The following PCDH15 variants were observed in gnomAD, a reference collection of about 807,000 sequenced individuals.
The protein encoded by PCDH15 is protocadherin-15.
Under a neutral mutation model 178.5 loss-of-function variants are expected in PCDH15, and 129 were observed. That is an observed-to-expected ratio of 0.72 (90% CI 0.63 to 0.84). The LOEUF (loss-of-function observed/expected upper bound fraction) is 0.84. Ranked by LOEUF, PCDH15 falls within the 40% of genes least tolerant of loss-of-function variation. The probability of loss-of-function intolerance (pLI) is 0.00; values close to 1 mark genes in which losing one functional copy is unlikely to be tolerated. For synonymous variants in PCDH15, 800 were observed against 732.0 expected (o/e 1.09, Z -1.50); for missense variants, 2,230 against 2,099.9 (o/e 1.06, Z -1.21).
chr10:54,023,281 G>A, intron 18 of PCDH15, 84 bp from the exon 19 acceptor site: 1 of 1,346,582 alleles, frequency 7.4e-7, no homozygotes, highest in Non-Finnish European at 1.0e-6. Context: ...AACAAATTAT[G>A]GTATTTTTCT....
At chr10:53,870,581 G>A (rs2079767593) in intron 26 of PCDH15, among the ~76,000 whole-genome samples, 1 of 152,136 alleles carries the variant, frequency 6.6e-6, no homozygotes, top group Non-Finnish European at 1.5e-5. Flanking sequence ...CCTCAAGTAT[G>A]TTCAGTTGAA....
chr10:55,294,955 G>A (rs1843096455), intron 1 of PCDH15, among the ~76,000 whole-genome samples: 1 of 152,010 alleles, frequency 6.6e-6, no homozygotes, highest in African/African-American at 2.4e-5. Context: ...CTTTTCCTGA[G>A]CTATTTTTAT....
intron 2 of PCDH15, among the ~76,000 whole-genome samples, chr10:55,429,729 ATCTAG>A (rs918725385): frequency 6.6e-6 from 1 of 152,202 alleles, no homozygotes; most frequent in African/African-American, 2.4e-5. Flanking sequence ...ATCAGTAACA[ATCTAG>A]TCTAGCTACA....
At chr10:54,323,051 G>C (rs1331061298) in intron 7 of PCDH15, among the ~76,000 whole-genome samples, 1 of 151,716 alleles carries the variant, frequency 6.6e-6, no homozygotes, top group Non-Finnish European at 1.5e-5. Flanking sequence ...ATAGGGGCAA[G>C]GGACATGAAC....
chr10:54,470,539 C>A (rs2077839469), intron 3 of PCDH15, among the ~76,000 whole-genome samples: 1 of 152,096 alleles, frequency 6.6e-6, no homozygotes, highest in Non-Finnish European at 1.5e-5. Flanking sequence ...GTATGGCACC[C>A]ATTCTTAACT....
In PCDH15 at chr10:54,094,657, T is replaced by G. The variant is rs150189545; in HGVS notation, c.1918-4594A>C. Among the ~76,000 whole-genome samples the G allele has an allele frequency of 4.6e-5, 7 of 152,322 alleles. No individual in the cohort carries two copies. In the East Asian group the frequency reaches 1.2e-3, roughly 25 times the overall value. On this transcript the variant is annotated intron_variant, in intron 15 of 37. Transcript: ENST00000644397. ...ACGAATAAATGATGTGTATTTTGGATAGCTGGCAAGTAATGCACTTTAGCC... is the reference window on the plus strand; with the variant it reads ...ACGAATAAATGATGTGTATTTTGGAGAGCTGGCAAGTAATGCACTTTAGCC...
At chr10:54,124,409 C>T (rs55783400) in intron 15 of PCDH15, among the ~76,000 whole-genome samples, 11,773 of 151,920 alleles carry the variant, frequency 0.077, 527 homozygotes, top group Middle Eastern at 0.099. Context: ...TGGAAACAGA[C>T]GGTGATGATG....
chr10:54,135,047 A>C (rs973519023), intron 14 of PCDH15, among the ~76,000 whole-genome samples: 1 of 151,422 alleles, frequency 6.6e-6, no homozygotes, highest in African/African-American at 2.4e-5. Context: ...CGACTAAAAA[A>C]CACAAAAATT....
chr10:54,901,948 A>G (rs964448660), intron 2 of PCDH15, among the ~76,000 whole-genome samples: 3 of 151,150 alleles, frequency 2.0e-5, no homozygotes, highest in Non-Finnish European at 2.9e-5. Context: ...GGTCTTCTAT[A>G]TATATATTTA....
At chr10:54,985,055 A>G (rs1226901577) in intron 2 of PCDH15, among the ~76,000 whole-genome samples, 1 of 152,182 alleles carries the variant, frequency 6.6e-6, no homozygotes. Flanking sequence ...GGCTTTGACC[A>G]ACATTATATG....
chr10:54,573,950 G>A (rs938929676), intron 2 of PCDH15, among the ~76,000 whole-genome samples: 30 of 152,166 alleles, frequency 2.0e-4, no homozygotes, highest in Admixed American at 3.9e-4. Flanking sequence ...AGTAGGTTGT[G>A]AAAATTTTCT....
chr10:54,888,305 T>G (rs2131813031), intron 3 of PCDH15, among the ~76,000 whole-genome samples: 1 of 152,232 alleles, frequency 6.6e-6, no homozygotes, highest in East Asian at 1.9e-4. Context: ...CTGTTATTTT[T>G]GTCTGACTTT....
At chr10:55,560,572 A>C (rs1368207031) in intron 2 of PCDH15, among the ~76,000 whole-genome samples, 1 of 151,948 alleles carries the variant, frequency 6.6e-6, no homozygotes, top group African/African-American at 2.4e-5. Flanking sequence ...ATCCAAAAGT[A>C]AGCATTTTGA....
intron 3 of PCDH15, among the ~76,000 whole-genome samples, chr10:54,464,935 T>C (rs944614844): frequency 7.2e-5 from 11 of 152,138 alleles, no homozygotes; most frequent in African/African-American, 2.4e-4. Context: ...GAGGTTATGA[T>C]ACAAGGTTTA....
At chr10:54,104,098 C>G (rs1287872403) in intron 15 of PCDH15, among the ~76,000 whole-genome samples, 1 of 152,128 alleles carries the variant, frequency 6.6e-6, no homozygotes, top group Non-Finnish European at 1.5e-5. Context: ...ATTATTTTTC[C>G]TGGCAACTGC....
At chr10:55,111,682 A>G (rs573448586) in intron 2 of PCDH15, among the ~76,000 whole-genome samples, 1 of 152,228 alleles carries the variant, frequency 6.6e-6, no homozygotes, top group Non-Finnish European at 1.5e-5. Flanking sequence ...CATCTCTACT[A>G]AAAATACAAA....
intron 2 of PCDH15, among the ~76,000 whole-genome samples, chr10:54,996,829 G>T (rs1839655787): frequency 1.3e-5 from 2 of 152,084 alleles, no homozygotes; most frequent in African/African-American, 4.8e-5. Flanking sequence ...TCAAACTGCT[G>T]GCTGGGCGCG....
In PCDH15 at chr10:54,863,787, C is replaced by T. The variant is rs372426081; in HGVS notation, c.-29+33663G>A. On this transcript the variant is annotated intron_variant, in intron 3 of 5. Coordinates refer to the PCDH15 transcript ENST00000458638. ...AGGGTTAAAGTTGATATTAAACCTC[C>T]AGTGGAACCGCCAGTCATAAGGAAA... Among the ~76,000 whole-genome samples the T allele has an allele frequency of 1.4e-3, 215 of 152,216 alleles. 1 individual carries two copies. The highest frequency in any genetic ancestry group is 4.7e-3 in the African/African-American group (194 of 41,552).
intron 2 of PCDH15, among the ~76,000 whole-genome samples, chr10:55,341,795 ATATATATATATTTTTTTTTTTTTTT>A (rs1468560859): frequency 8.0e-4 from 9 of 11,268 alleles, no homozygotes; most frequent in Admixed American, 2.1e-3. Context: ...ATATATATAT[ATATATATATATTTTTTTTTTTTTTT>A]TTTTTTTTTT....
Sources: gnomAD v4.1 joint callset for allele counts (sites outside exome capture counted in the v4.1 genomes callset) on GRCh38, gnomAD v4.1.1 for gene constraint, MANE v1.5 for transcripts, NCBI Gene and HGNC (gene_info 2026-07-23, HGNC 2026-07-21) for gene names.